Variants in ZNF469 observed in about 807,000 individuals in gnomAD.
ZNF469 encodes the protein zinc finger protein 469.
ZNF469 carries 1 observed loss-of-function variant against 1.0 expected under a neutral mutation model. The ratio of observed to expected loss-of-function variants is 1.00; its 90% confidence interval spans 0.35 to 4.73. ZNF469 has a LOEUF of 4.73. Ranked by LOEUF, ZNF469 falls within the 30% of genes most tolerant of loss-of-function variation. The pLI, the probability that ZNF469 is intolerant of heterozygous loss-of-function variation, is 0.16. For synonymous variants in ZNF469, 2,703 were observed against 2,363.4 expected, an observed-to-expected ratio of 1.14 and a Z score of -4.17; for missense variants, 6,100 against 5,356.3, an observed-to-expected ratio of 1.14 and a Z score of -4.33.
chr16:88,123,224 G>A, the ZNF469 span, among the ~76,000 whole-genome samples: 10 of 152,060 alleles, frequency 6.6e-5, no homozygotes, highest in East Asian at 1.9e-4. Context: ...TGGATGAGAC[G>A]GTTTTCCAGG....
the ZNF469 span, among the ~76,000 whole-genome samples, chr16:88,174,735 G>A: frequency 0.031 from 4,701 of 149,446 alleles, 239 homozygotes; most frequent in African/African-American, 0.11. Context: ...CTTCCTTATG[G>A]TTATAATATT....
chr16:88,225,388 G>A, the ZNF469 span, among the ~76,000 whole-genome samples: 2 of 152,338 alleles, frequency 1.3e-5, no homozygotes, highest in South Asian at 4.1e-4. Context: ...CTTATAGAGT[G>A]CGAGGCATTT....
chr16:88,374,298 G>A, the ZNF469 span, among the ~76,000 whole-genome samples: 3 of 152,212 alleles, frequency 2.0e-5, no homozygotes, highest in Non-Finnish European at 2.9e-5. Context: ...AATGGGTCTT[G>A]AAGGATGAAT....
chr16:88,151,258 C>T, the ZNF469 span, among the ~76,000 whole-genome samples: 3 of 152,258 alleles, frequency 2.0e-5, no homozygotes, highest in African/African-American at 7.2e-5. The surrounding 1 kb of genome is among the most constrained non-coding windows in gnomAD (Gnocchi z 5.4). Context: ...CCTCGACTGT[C>T]AGCCGGGACG....
At chr16:88,201,098 G>A in the ZNF469 span, among the ~76,000 whole-genome samples, 1 of 152,244 alleles carries the variant, frequency 6.6e-6, no homozygotes, top group Admixed American at 6.5e-5. This position sits in a 1 kb window ranked among gnomAD's most constrained non-coding sequence, Gnocchi z 5.0. Context: ...CCCCAGTGCT[G>A]TCCTTGTCAC....
the ZNF469 span, among the ~76,000 whole-genome samples, chr16:88,372,032 T>C: frequency 1.5e-5 from 2 of 136,320 alleles, no homozygotes; most frequent in Admixed American, 7.4e-5. Flanking sequence ...ATCATCACCA[T>C]CACTACCATT....
the ZNF469 span, among the ~76,000 whole-genome samples, chr16:88,236,499 C>G: frequency 6.6e-6 from 1 of 152,262 alleles, no homozygotes; most frequent in African/African-American, 2.4e-5. Context: ...ACAGCCTGAA[C>G]TTGTTTTTCA....
At chr16:88,296,042 G>A in the ZNF469 span, among the ~76,000 whole-genome samples, 1 of 152,214 alleles carries the variant, frequency 6.6e-6, no homozygotes, top group Non-Finnish European at 1.5e-5. Context: ...CGGCTCTGCA[G>A]AGGATATTGC....
chr16:88,141,876 C>A, the ZNF469 span, among the ~76,000 whole-genome samples: 1 of 152,204 alleles, frequency 6.6e-6, no homozygotes, highest in Non-Finnish European at 1.5e-5. Flanking sequence ...AGGGACCAGC[C>A]CTGCCGACAC....
the ZNF469 span, among the ~76,000 whole-genome samples, chr16:88,334,525 A>T: frequency 6.6e-6 from 1 of 151,856 alleles, no homozygotes; most frequent in Non-Finnish European, 1.5e-5. Context: ...GGGATACTCA[A>T]CCTGTATGAC....
chr16:88,108,578 C>T, the ZNF469 span, among the ~76,000 whole-genome samples: 1 of 152,216 alleles, frequency 6.6e-6, no homozygotes, highest in Non-Finnish European at 1.5e-5. Flanking sequence ...CTAGGATCTT[C>T]TCCCCACCTC....
Position 88,432,431 on chromosome 16 carries a change from C to T in ZNF469, c.4961C>T (p.Pro1654Leu). ...ACCGTGGAAGCGGTTCAGGGGAGGC[C>T]TGGGGGGACGTGGCCCTGCCCAGCC... The part of the protein sequence containing the change: ...VATVEAVQGR[P>L]GGTWPCPASF... Residue 1654 changes from proline to leucine, a missense_variant, in exon 3 of 3, where the codon CCT (proline) becomes CTT (leucine). Physicochemically the swap from Pro to Leu is moderately conservative, Grantham distance 98. Coordinates refer to ENST00000565624, the MANE Select transcript of ZNF469 (RefSeq NM_001367624.2). 1 of 1,550,218 alleles carries T rather than the reference C, an allele frequency of 6.5e-7. No individual in the cohort carries two copies. The highest frequency in any genetic ancestry group is 8.7e-7 in the Non-Finnish European group (1 of 1,146,946).
Position 88,413,028 on chromosome 16 carries a change from C to T in ZNF469, c.-191-11779C>T, listed in dbSNP as rs1204628143. ...GAGGGTCACCGAGAGACCCAGGGCG[C>T]ACCACGGCGACACCAGACCAGGCAC... On this transcript the variant is annotated intron_variant, in intron 1 of 2. Transcript: ENST00000565624. Among the ~76,000 whole-genome samples, 4 of 152,114 alleles carry T rather than the reference C, an allele frequency of 2.6e-5. No individual in the cohort carries two copies. The East Asian group carries it at 7.8e-4, about 30-fold the overall frequency.
At chr16:88,274,516 C>G in the ZNF469 span, among the ~76,000 whole-genome samples, 1 of 152,248 alleles carries the variant, frequency 6.6e-6, no homozygotes, top group Non-Finnish European at 1.5e-5. Flanking sequence ...AGTTTCACAA[C>G]AGATCAGCCC....
At chr16:88,407,327 C>T (rs989601572) in intron 1 of ZNF469, among the ~76,000 whole-genome samples, 3 of 152,224 alleles carry the variant, frequency 2.0e-5, no homozygotes, top group Admixed American at 1.3e-4. Context: ...AGCTGGGAGC[C>T]GGCATCATGG....
At chr16:88,399,384 C>T (rs1454767070) in intron 1 of ZNF469, among the ~76,000 whole-genome samples, 4 of 152,240 alleles carry the variant, frequency 2.6e-5, no homozygotes, top group Non-Finnish European at 5.9e-5. Flanking sequence ...GGACCACATT[C>T]AATTACTTGC....
the ZNF469 span, among the ~76,000 whole-genome samples, chr16:88,236,209 G>A: frequency 6.6e-6 from 1 of 152,222 alleles, no homozygotes; most frequent in African/African-American, 2.4e-5. Context: ...AAAAAGCCCT[G>A]GAAAGGGAAG....
chr16:88,123,265 A>C, the ZNF469 span, among the ~76,000 whole-genome samples: 1 of 152,144 alleles, frequency 6.6e-6, no homozygotes, highest in African/African-American at 2.4e-5. Context: ...GGCAGCATGC[A>C]CTGGCTGTGT....
rs1350700851 is a variant in ZNF469, at chr16:88,437,993, T to C, written c.10523T>C (p.Leu3508Pro). The change falls in exon 3 of 3, where the codon CTG becomes CCG. Residue 3508 changes from leucine to proline, a missense_variant. Leu to Pro is a moderately conservative substitution (Grantham distance 98, BLOSUM62 -3). Coordinates refer to ENST00000565624, the MANE Select transcript of ZNF469 (RefSeq NM_001367624.2). Reference protein sequence around the residue: ...PILSEGSLPALLHLCSEVAPS... With the variant: ...PILSEGSLPAPLHLCSEVAPS... ...CTGAGTGAGGGCTCTCTCCCGGCCC[T>C]GCTCCACCTGTGTTCGGAGGTGGCT... The C allele has an allele frequency of 6.5e-6, 10 of 1,548,864 alleles. No individual in the cohort carries two copies. Among genetic ancestry groups the C allele is most frequent in the Non-Finnish European group, 8.7e-6 (10 of 1,146,906 alleles).
Sources: gnomAD v4.1 joint callset for allele counts (sites outside exome capture counted in the v4.1 genomes callset) on GRCh38, gnomAD v4.1.1 for gene constraint, Gnocchi (gnomAD v3.1) non-coding constraint, MANE v1.5 for transcripts, NCBI Gene and HGNC (gene_info 2026-07-23, HGNC 2026-07-21) for gene names.